Variants in TANGO6 observed in about 807,000 individuals in gnomAD.
TANGO6 encodes the protein transport and golgi organization 6 homolog.
In TANGO6, 90 loss-of-function variants were observed where a neutral mutation model predicts 114.2. The ratio of observed to expected loss-of-function variants is 0.79; its 90% CI spans 0.66 to 0.94. The LOEUF is 0.94. Ranked by LOEUF, TANGO6 falls within the 40% of genes least tolerant of loss-of-function variation. The probability of loss-of-function intolerance (pLI) is 0.00; values close to 1 mark genes in which losing one functional copy is unlikely to be tolerated. For synonymous variants in TANGO6, 477 were observed against 509.8 expected (o/e 0.94, Z 0.87); for missense variants, 1,274 against 1,315.3 (o/e 0.97, Z 0.49).
intron 12 of TANGO6, among the ~76,000 whole-genome samples, chr16:68,923,814 GTTT>G (rs1455730452): frequency 2.1e-5 from 2 of 96,024 alleles, no homozygotes; most frequent in African/African-American, 1.1e-4. Flanking sequence ...GTTTTGTTTT[GTTT>G]TGTTTTGTTT....
chr16:68,846,060 T>C (rs932070529), intron 1 of TANGO6, among the ~76,000 whole-genome samples: 1 of 151,396 alleles, frequency 6.6e-6, no homozygotes, highest in African/African-American at 2.4e-5. Flanking sequence ...AATTTCGCTC[T>C]TGTTGCCCAG....
At chr16:68,983,981 C>T (rs1271993297) in intron 15 of TANGO6, among the ~76,000 whole-genome samples, 2 of 150,236 alleles carry the variant, frequency 1.3e-5, no homozygotes, top group African/African-American at 2.5e-5. Context: ...TGCAGTGAGC[C>T]GAGATCACGC....
intron 17 of TANGO6, among the ~76,000 whole-genome samples, chr16:69,067,747 G>A (rs1354869902): frequency 1.3e-5 from 2 of 151,910 alleles, no homozygotes; most frequent in African/African-American, 2.4e-5. Context: ...AGACCAGCCT[G>A]ACCAACATGG....
chr16:69,056,723 C>T (rs1960037206), intron 17 of TANGO6, among the ~76,000 whole-genome samples: 1 of 152,116 alleles, frequency 6.6e-6, no homozygotes. Context: ...CATGAAGAGA[C>T]AATAGTTTAT....
chr16:69,070,852 C>T (rs1348787080), intron 17 of TANGO6, among the ~76,000 whole-genome samples: 2 of 151,402 alleles, frequency 1.3e-5, no homozygotes, highest in Non-Finnish European at 2.9e-5. Context: ...TGGCTCACTG[C>T]AACCTCTGTC....
intron 17 of TANGO6, among the ~76,000 whole-genome samples, chr16:69,075,488 C>T (rs2872083): frequency 0.088 from 13,125 of 149,910 alleles, 650 homozygotes; most frequent in South Asian, 0.18. Flanking sequence ...GGGTCTCACT[C>T]TGTCACCCAG....
At chr16:68,924,686 A>AG (rs1963143656) in intron 12 of TANGO6, among the ~76,000 whole-genome samples, 1 of 151,734 alleles carries the variant, frequency 6.6e-6, no homozygotes, top group Non-Finnish European at 1.5e-5. Context: ...GCTACTTGAA[A>AG]GGCTGAGGCA....
At chr16:68,874,218 A>G (rs1338142635) in intron 4 of TANGO6, among the ~76,000 whole-genome samples, 1 of 152,204 alleles carries the variant, frequency 6.6e-6, no homozygotes, top group Non-Finnish European at 1.5e-5. Context: ...TTTGCCCTGA[A>G]AATTCCAGCT....
At chr16:68,983,694 C>T (rs187069906) in intron 15 of TANGO6, among the ~76,000 whole-genome samples, 6 of 152,236 alleles carry the variant, frequency 3.9e-5, no homozygotes, top group Non-Finnish European at 8.8e-5. Flanking sequence ...AGGCTACATC[C>T]GTTCCTCATC....
chr16:69,071,723 G>A (rs538870066), intron 17 of TANGO6, among the ~76,000 whole-genome samples: 2 of 152,294 alleles, frequency 1.3e-5, no homozygotes, highest in African/African-American at 4.8e-5. Flanking sequence ...GAAGTAAAGA[G>A]AAGAAAGATA....
intron 17 of TANGO6, among the ~76,000 whole-genome samples, chr16:69,048,209 A>G (rs2152236393): frequency 6.7e-6 from 1 of 149,890 alleles, no homozygotes; most frequent in East Asian, 2.0e-4. Flanking sequence ...GAGCCTCTTG[A>G]CTAGCTGGGA....
intron 15 of TANGO6, among the ~76,000 whole-genome samples, chr16:69,021,942 G>A (rs905335243): frequency 6.8e-6 from 1 of 147,826 alleles, no homozygotes; most frequent in Non-Finnish European, 1.5e-5. Flanking sequence ...CTGGAGTGCA[G>A]TGGCGCAATC....
At chr16:68,931,875 G>A (rs1963244202) in intron 14 of TANGO6, among the ~76,000 whole-genome samples, 1 of 151,944 alleles carries the variant, frequency 6.6e-6, no homozygotes, top group African/African-American at 2.4e-5. Context: ...TTTTTTTTAA[G>A]ATGGAGTCTC....
intron 17 of TANGO6, among the ~76,000 whole-genome samples, chr16:69,074,283 A>G (rs931061724): frequency 3.1e-4 from 47 of 151,376 alleles, no homozygotes; most frequent in African/African-American, 1.1e-3. Context: ...GTGTGTGTAT[A>G]TATATATATA....
At chr16:68,966,172 GC>G (rs1304294535) in intron 14 of TANGO6, among the ~76,000 whole-genome samples, 2 of 152,134 alleles carry the variant, frequency 1.3e-5, no homozygotes, top group Admixed American at 1.3e-4. Flanking sequence ...GCTGCAGTGA[GC>G]TGTGATTATA....
chr16:69,038,301 G>A (rs1438097123), intron 16 of TANGO6, among the ~76,000 whole-genome samples: 1 of 152,006 alleles, frequency 6.6e-6, no homozygotes, highest in African/African-American at 2.4e-5. Context: ...ATGGTGACAC[G>A]CGCCTGTAGT....
intron 7 of TANGO6, among the ~76,000 whole-genome samples, chr16:68,887,206 G>A (rs1222671153): frequency 6.6e-6 from 1 of 152,186 alleles, no homozygotes; most frequent in Non-Finnish European, 1.5e-5. Flanking sequence ...TCTTTGGAGT[G>A]TGGGTCTATT....
rs752127257 is a variant in TANGO6, at chr16:68,875,287, C to G, written c.1128C>G (p.Pro376=). 6.2e-7 allele frequency: 1 copy of G among 1,611,696 alleles called. No homozygotes were observed. Among genetic ancestry groups the G allele is most frequent in the Non-Finnish European group, 8.5e-7 (1 of 1,178,474 alleles). ...SPENYYRDIC[P]QVLDLFHFQD... ...AGAATTACTACAGGGACATCTGCCC[C>G]CAGGTAAATCTTTTTGTTTCTATTG... The change falls in exon 5 of 18, where the codon CCC becomes CCG. Residue 376 remains proline, a synonymous_variant. Transcript: ENST00000261778.
intron 4 of TANGO6, among the ~76,000 whole-genome samples, chr16:68,869,030 C>T (rs932723675): frequency 2.8e-4 from 42 of 152,252 alleles, no homozygotes; most frequent in African/African-American, 1.0e-3. Flanking sequence ...TACAGCTGAT[C>T]TATATTGTAT....
Sources: gnomAD v4.1 joint callset for allele counts (sites outside exome capture counted in the v4.1 genomes callset) on GRCh38, gnomAD v4.1.1 for gene constraint, MANE v1.5 for transcripts, NCBI Gene and HGNC (gene_info 2026-07-23, HGNC 2026-07-21) for gene names.